The following RFC2 variants were observed in gnomAD, a reference collection of about 807,000 sequenced individuals.
RFC2 encodes the protein A1 40 kDa subunit.
In RFC2, 34 loss-of-function variants were observed where a neutral mutation model predicts 44.8. The observed-to-expected ratio is 0.76, with a 90% CI of 0.58 to 1.01. RFC2 has a LOEUF of 1.01. RFC2 is among the 50% of genes least tolerant of loss of function. The pLI is 0.00. For missense variants in RFC2, 400 were observed against 453.6 expected (o/e 0.88, Z 1.07); for synonymous variants, 177 against 168.9 (o/e 1.05, Z -0.37).
chr7:74,238,929 C>T lies in RFC2; in HGVS notation c.753G>A (p.Val251=). Residue 251 remains valine (V), a synonymous_variant, in exon 8 of 11, where the codon GTG becomes GTA. Transcript: ENST00000055077. This position sits in a 1 kb window ranked among gnomAD's most constrained non-coding sequence, Gnocchi z 4.0. The part of the protein sequence containing the change: ...SGFGFINSEN[V]FKVCDEPHPL... ...CCCACACTAGCGCTTGTACCTTGAACACGTTCTCACTGTTAATGAAGCCAA... is the reference window on the plus strand; with the variant it reads ...CCCACACTAGCGCTTGTACCTTGAATACGTTCTCACTGTTAATGAAGCCAA... 1 of 1,613,738 alleles carries T rather than the reference C, an allele frequency of 6.2e-7. No homozygotes were observed. The highest frequency in any genetic ancestry group is 1.3e-5 in the African/African-American group (1 of 75,042).
At chr7:74,233,064 A>G (rs1264089589) in intron 10 of RFC2, among the ~76,000 whole-genome samples, 1 of 151,766 alleles carries the variant, frequency 6.6e-6, no homozygotes, top group African/African-American at 2.4e-5. Context: ...AATAAAAATG[A>G]CCCAAGTGTA....
chr7:74,251,717 A>G (rs149511512), intron 2 of RFC2, among the ~76,000 whole-genome samples: 22,003 of 146,752 alleles, frequency 0.15, 2,566 homozygotes, highest in African/African-American at 0.33. Context: ...AGAATTGCTT[A>G]AACCCAGGAG....
chr7:74,232,602 C>T (rs1802792768), intron 10 of RFC2, among the ~76,000 whole-genome samples: 1 of 152,180 alleles, frequency 6.6e-6, no homozygotes, highest in Non-Finnish European at 1.5e-5. Context: ...CGTGGTGGCT[C>T]ATGCCTGTAA....
intron 9 of RFC2, 50 bp from the exon 10 acceptor site, chr7:74,235,695 G>C: frequency 7.7e-7 from 1 of 1,291,866 alleles, no homozygotes; most frequent in Non-Finnish European, 1.1e-6. Context: ...ACTGTAAGAA[G>C]ACATGTGATT....
chr7:74,245,878 T>C (rs111766129), intron 5 of RFC2, among the ~76,000 whole-genome samples: 5,802 of 151,732 alleles, frequency 0.038, 351 homozygotes, highest in African/African-American at 0.13. Flanking sequence ...CTGGCCAACA[T>C]GGCGAAACCC....
rs868924962 is a variant in RFC2 at position 74,249,629 on chromosome 7, G to A, written c.225+110C>T. On this transcript the variant is annotated intron_variant, in intron 3 of 10. Coordinates refer to ENST00000055077, the MANE Select transcript of RFC2 (RefSeq NM_181471.3). Reference sequence around the variant, plus strand: ...GAGTGAAACACTTCCCTTTGCCGGGGGAATGGGAAGGGGCTCTCCAGGGAG... The same window carrying A: ...GAGTGAAACACTTCCCTTTGCCGGGAGAATGGGAAGGGGCTCTCCAGGGAG... The A allele has an allele frequency of 1.8e-5, 16 of 874,672 alleles. 1 individual carries two copies. The Middle Eastern group carries it at 2.0e-3, about 110-fold the overall frequency. The allele number at this position is 874,672 out of a possible 1,614,324, so 54.2% of individuals were successfully genotyped here. A position where few individuals can be genotyped will look rare whatever the true frequency, so the allele number is the denominator to read the frequency against.
At chr7:74,239,019 A>G in intron 7 of RFC2, 31 bp from the exon 8 acceptor site, 1 of 1,573,486 alleles carries the variant, frequency 6.4e-7, no homozygotes, top group South Asian at 1.1e-5. Flanking sequence ...GTCAAGGATG[A>G]TTTTTATATT....
rs368987624 is a variant in RFC2, at chr7:74,232,197, A to C, written c.974T>G (p.Met325Arg). Residue 325 changes from methionine to arginine, a missense_variant, in exon 11 of 11, where the codon ATG becomes AGG. By Grantham distance (91) the Met-to-Arg change is moderately conservative. Coordinates refer to ENST00000055077, the MANE Select transcript of RFC2 (RefSeq NM_181471.3). ...AGAGTTCACTCCTTCCGCTATTTTC[A>C]TGTGAGTGTATCCAATTTCCTGAAA... ...EFIKEIGYTH[M>R]KIAEGVNSLL... 3.1e-6 allele frequency: 5 copies of C among 1,607,486 alleles called. No individual in the cohort carries two copies. The highest frequency in any genetic ancestry group is 1.1e-5 in the South Asian group (1 of 90,948).
intron 5 of RFC2, among the ~76,000 whole-genome samples, chr7:74,245,436 G>A (rs1461736238): frequency 1.3e-5 from 2 of 151,860 alleles, no homozygotes; most frequent in East Asian, 3.9e-4. Flanking sequence ...TTTTGGGCCG[G>A]GCGCAGTGGC....
chr7:74,252,784 A>C (rs559416320), intron 1 of RFC2, among the ~76,000 whole-genome samples: 2 of 152,112 alleles, frequency 1.3e-5, no homozygotes, highest in East Asian at 3.9e-4. Flanking sequence ...AAAATACAAA[A>C]ATTAGCTGGA....
chr7:74,240,368 G>A (rs1326317352), intron 6 of RFC2, among the ~76,000 whole-genome samples: 2 of 152,054 alleles, frequency 1.3e-5, no homozygotes, highest in Non-Finnish European at 2.9e-5. Context: ...TGGGTGTGGT[G>A]TCGCACGTCT....
intron 6 of RFC2, among the ~76,000 whole-genome samples, chr7:74,241,017 A>C (rs1169548596): frequency 6.6e-6 from 1 of 151,572 alleles, no homozygotes; most frequent in East Asian, 1.9e-4. Flanking sequence ...TGCAACCTCC[A>C]CCTCCCAGGT....
intron 4 of RFC2, among the ~76,000 whole-genome samples, chr7:74,248,363 C>T (rs1554720445): frequency 6.6e-6 from 1 of 151,528 alleles, no homozygotes; most frequent in African/African-American, 2.4e-5. Flanking sequence ...GGCATGGTGG[C>T]ATGTGTCTAT....
At chr7:74,237,223 C>T in intron 9 of RFC2, 139 bp downstream of exon 9, 1 of 605,190 alleles carries the variant, frequency 1.7e-6, no homozygotes, top group Non-Finnish European at 3.1e-6. Context: ...AACAAATCCT[C>T]CTGCCTCAGT....
intron 2 of RFC2, 83 bp from the exon 3 acceptor site, chr7:74,249,863 G>T: frequency 2.4e-6 from 3 of 1,275,602 alleles, no homozygotes; most frequent in Non-Finnish European, 3.4e-6. Context: ...GAACAAACAA[G>T]CAGGTTAAAA....
At chr7:74,246,546 C>T in intron 5 of RFC2, 116 bp downstream of exon 5, 1 of 610,040 alleles carries the variant, frequency 1.6e-6, no homozygotes, top group Non-Finnish European at 2.9e-6. Context: ...TATTAAATTG[C>T]TTGTGGAAGA....
At chr7:74,254,147 G>GCCTCCT in intron 1 of RFC2, 124 bp downstream of exon 1, 1 of 727,340 alleles carries the variant, frequency 1.4e-6, no homozygotes, top group South Asian at 1.5e-5. Flanking sequence ...GCCACCCGGG[G>GCCTCCT]CCTCCTCCTC....
intron 7 of RFC2, among the ~76,000 whole-genome samples, 191 bp from the exon 8 acceptor site, chr7:74,239,179 T>C (rs1803185339): frequency 6.8e-6 from 1 of 146,232 alleles, no homozygotes; most frequent in Non-Finnish European, 1.5e-5. Context: ...ACTTTTTTTT[T>C]TTTTTTTTTT....
chr7:74,253,941 G>T (rs1262654004), intron 1 of RFC2, among the ~76,000 whole-genome samples: 3 of 151,416 alleles, frequency 2.0e-5, no homozygotes, highest in African/African-American at 7.2e-5. Flanking sequence ...TTTTTTAAAA[G>T]ATTGAAGTTT....
Sources: allele counts gnomAD v4.1 joint callset (sites outside exome capture counted in the v4.1 genomes callset), GRCh38; gene constraint gnomAD v4.1.1; non-coding constraint Gnocchi (gnomAD v3.1); transcripts MANE v1.5; gene names NCBI Gene and HGNC (gene_info 2026-07-23, HGNC 2026-07-21).